Variants in TACC1 observed in about 807,000 individuals in gnomAD.
TACC1 encodes transforming acidic coiled-coil-containing protein 1.
In TACC1, 48 loss-of-function variants were observed where a neutral mutation model predicts 84.4. That is an observed-to-expected ratio of 0.57 (90% CI 0.45 to 0.72). The LOEUF (loss-of-function observed/expected upper bound fraction) is 0.72. TACC1 is among the 30% of genes least tolerant of loss of function. The pLI is 0.00. For missense variants in TACC1, 920 were observed against 973.0 expected (o/e 0.95, Z 0.72); for synonymous variants, 372 against 376.3 (o/e 0.99, Z 0.13).
chr8:38,762,054 T>C (rs139912299), intron 3 of TACC1, among the ~76,000 whole-genome samples: 10 of 152,110 alleles, frequency 6.6e-5, no homozygotes, highest in Non-Finnish European at 1.5e-4. Flanking sequence ...GTAGTTGAAA[T>C]AGAAAAAAGA....
At chr8:38,762,879 T>C (rs1292174270) in intron 3 of TACC1, among the ~76,000 whole-genome samples, 2 of 152,182 alleles carry the variant, frequency 1.3e-5, no homozygotes, top group Non-Finnish European at 2.9e-5. Flanking sequence ...GCAATTCTGC[T>C]TTAAGCATCG....
At chr8:38,730,581 A>G (rs1804726644) in intron 1 of TACC1, among the ~76,000 whole-genome samples, 1 of 152,182 alleles carries the variant, frequency 6.6e-6, no homozygotes. Flanking sequence ...GTGGAGCGGA[A>G]AGGAAGAGCC....
rs143395118 is a variant in TACC1, at chr8:38,815,523, G to A, written c.278-3999G>A. Among the ~76,000 whole-genome samples the A allele has an allele frequency of 3.0e-3, 455 of 152,124 alleles. 1 individual carries two copies. Among genetic ancestry groups the A allele is most frequent in the African/African-American group, 0.011 (438 of 41,508 alleles). Reference sequence around the variant, plus strand: ...CAACCTCTGCCTCCCAGGTTCAAGCGATTCTCCTGTTTCAGCCTCCCAAGA... The same window carrying A: ...CAACCTCTGCCTCCCAGGTTCAAGCAATTCTCCTGTTTCAGCCTCCCAAGA... On this transcript the variant is annotated intron_variant, in intron 2 of 12. Coordinates refer to ENST00000317827, the MANE Select transcript of TACC1 (RefSeq NM_006283.3).
At chr8:38,733,476 A>C (rs34153723) in intron 1 of TACC1, among the ~76,000 whole-genome samples, 26,746 of 151,912 alleles carry the variant, frequency 0.18, 2,394 homozygotes, top group Non-Finnish European at 0.2. Flanking sequence ...TTCCCAGGAA[A>C]CCCCTGGCCA....
In TACC1 at chr8:38,850,264, T is replaced by C. The variant is rs554579078; in HGVS notation, c.*2241T>C. ...CCTGGCCTCTCAGCCATGACCGTTA[T>C]GAGGAAATATCCCCCATTCGAACTT... On this transcript the variant is annotated 3_prime_UTR_variant, in exon 13 of 13. Coordinates refer to ENST00000317827, the MANE Select transcript of TACC1 (RefSeq NM_006283.3). The C allele has an allele frequency of 3.3e-5, 5 of 152,386 alleles. No homozygotes were observed. The highest frequency in any genetic ancestry group is 6.5e-5 in the Admixed American group (1 of 15,310). 9.4% of individuals were successfully genotyped at this position (152,386 alleles called of 1,614,324 possible). A position where few individuals can be genotyped will look rare whatever the true frequency, so the allele number is the denominator to read the frequency against.
chr8:38,842,895 G>A (rs1230963632), intron 10 of TACC1, among the ~76,000 whole-genome samples: 2 of 152,168 alleles, frequency 1.3e-5, no homozygotes, highest in South Asian at 2.1e-4. Flanking sequence ...ATGTAAATGG[G>A]CCTGTTGATT....
At chr8:38,832,149 T>C (rs1468808377) in intron 6 of TACC1, among the ~76,000 whole-genome samples, 2 of 152,224 alleles carry the variant, frequency 1.3e-5, no homozygotes, top group Non-Finnish European at 2.9e-5. Flanking sequence ...AATTCCCAAC[T>C]GATTCATCCA....
intron 1 of TACC1, among the ~76,000 whole-genome samples, chr8:38,731,320 G>A (rs1804883563): frequency 6.6e-6 from 1 of 152,166 alleles, no homozygotes; most frequent in Non-Finnish European, 1.5e-5. Flanking sequence ...TCACATTTTA[G>A]CTTGGTCATC....
chr8:38,789,222 A>G (rs577990767), intron 2 of TACC1, among the ~76,000 whole-genome samples: 1 of 152,244 alleles, frequency 6.6e-6, no homozygotes, highest in African/African-American at 2.4e-5. Flanking sequence ...GGAGGTTCTT[A>G]AGAGGCTTTT....
intron 2 of TACC1, among the ~76,000 whole-genome samples, chr8:38,811,199 A>AG (rs1420446030): frequency 1.3e-5 from 2 of 151,738 alleles, no homozygotes; most frequent in Admixed American, 6.6e-5. Flanking sequence ...TAAAAAAAAA[A>AG]AAACCTGAAA....
chr8:38,827,675 T>G (rs1321789936), intron 5 of TACC1: 3 of 358,560 alleles, frequency 8.4e-6, no homozygotes, highest in Non-Finnish European at 1.5e-5. Context: ...TAGTGGTGTG[T>G]TAGTTCATTT....
At chr8:38,795,428 C>T (rs900361236) in intron 2 of TACC1, among the ~76,000 whole-genome samples, 5 of 152,204 alleles carry the variant, frequency 3.3e-5, no homozygotes, top group African/African-American at 1.2e-4. Context: ...TTGGTACTTG[C>T]GGGTGGCAGA....
At chr8:38,843,239 T>C (rs1485234217) in intron 10 of TACC1, 50 bp from the exon 11 acceptor site, 12 of 1,307,290 alleles carry the variant, frequency 9.2e-6, no homozygotes, top group Non-Finnish European at 1.3e-5. Context: ...ATGTGGTAGA[T>C]TAGAAGAAAC....
chr8:38,822,158 T>C (rs1481102026), intron 3 of TACC1, among the ~76,000 whole-genome samples: 1 of 151,456 alleles, frequency 6.6e-6, no homozygotes, highest in Non-Finnish European at 1.5e-5. Context: ...GGCAGGAGGA[T>C]TGCTTGAGCC....
intron 3 of TACC1, among the ~76,000 whole-genome samples, chr8:38,780,868 A>G (rs927840318): frequency 1.3e-4 from 20 of 152,184 alleles, no homozygotes; most frequent in African/African-American, 4.8e-4. Context: ...GCTGGAGTTT[A>G]CAGGATGCTG....
intron 1 of TACC1, among the ~76,000 whole-genome samples, chr8:38,738,041 T>G (rs1029214912): frequency 2.6e-5 from 4 of 151,896 alleles, no homozygotes; most frequent in Admixed American, 1.3e-4. Context: ...AACCATTCTT[T>G]AAGGGAGGTA....
chr8:38,827,615 T>G (rs1426785797), intron 5 of TACC1: 2 of 535,680 alleles, frequency 3.7e-6, no homozygotes, highest in East Asian at 3.2e-5. Flanking sequence ...TATGTGAGAC[T>G]GCTTGAATTT....
At chr8:38,770,170 T>A (rs1813293126) in intron 3 of TACC1, among the ~76,000 whole-genome samples, 1 of 152,030 alleles carries the variant, frequency 6.6e-6, no homozygotes. Context: ...GCCACAGATG[T>A]CAGGAGCCCG....
chr8:38,823,798 G>T (rs893657907), intron 3 of TACC1, among the ~76,000 whole-genome samples: 1 of 152,126 alleles, frequency 6.6e-6, no homozygotes, highest in African/African-American at 2.4e-5. Flanking sequence ...CTTTGTAGTT[G>T]AGGTCTGTTC....
Sources: gnomAD v4.1 joint callset for allele counts (sites outside exome capture counted in the v4.1 genomes callset) on GRCh38, gnomAD v4.1.1 for gene constraint, MANE v1.5 for transcripts, NCBI Gene and HGNC (gene_info 2026-07-23, HGNC 2026-07-21) for gene names.